AFF2: variants seen among roughly 807,000 people sequenced by gnomAD.
AFF2 encodes the protein ALF transcription elongation factor 2.
A neutral mutation model predicts 76.9 loss-of-function variants in AFF2; 14 were observed. That is an observed-to-expected ratio of 0.18 (90% confidence interval 0.12 to 0.28). AFF2 has a LOEUF of 0.28. Among genes scored for constraint, AFF2 ranks in the 10% least tolerant of loss-of-function variants. AFF2 has a pLI of 1.00. For missense variants in AFF2, 868 were observed against 1,001.1 expected, an observed-to-expected ratio of 0.87 and a Z score of 1.79; for synonymous variants, 398 against 366.7, an observed-to-expected ratio of 1.09 and a Z score of -0.98.
At chrX:148,768,201 C>T (rs985069618) in intron 3 of AFF2, among the ~76,000 whole-genome samples, 69 of 109,147 alleles carry the variant, frequency 6.3e-4, no homozygotes, top group East Asian at 2.9e-4. Context: ...CAATCACCCT[C>T]ACCCCCAAAT....
chrX:148,550,338 A>G (rs2052975735), intron 1 of AFF2, among the ~76,000 whole-genome samples: 1 of 112,161 alleles, frequency 8.9e-6, no homozygotes, highest in Non-Finnish European at 1.9e-5. Flanking sequence ...CAAACCTGAA[A>G]TGAAAAATCA....
chrX:148,947,247 C>A (rs1169393308), intron 9 of AFF2, among the ~76,000 whole-genome samples: 1 of 112,096 alleles, frequency 8.9e-6, no homozygotes, highest in Non-Finnish European at 1.9e-5. Context: ...CACAACTGGA[C>A]CATAATCGAC....
intron 1 of AFF2, among the ~76,000 whole-genome samples, chrX:148,532,679 A>G (rs1160232692): frequency 2.7e-5 from 3 of 112,536 alleles, no homozygotes; most frequent in African/African-American, 9.7e-5. Context: ...TGTTTTAAGC[A>G]GGATATTGGG....
At chrX:148,841,249 A>T (rs1394518312) in intron 5 of AFF2, among the ~76,000 whole-genome samples, 1 of 112,077 alleles carries the variant, frequency 8.9e-6, no homozygotes, top group African/African-American at 3.2e-5. Flanking sequence ...TTTGTAATGA[A>T]ATCCCTTAAA....
chrX:148,712,009 G>T (rs1010964806), intron 3 of AFF2, among the ~76,000 whole-genome samples: 2 of 111,420 alleles, frequency 1.8e-5, no homozygotes, highest in Non-Finnish European at 3.8e-5. Context: ...TGCTCATCTC[G>T]ATGCTGTGCT....
At chrX:148,948,311 A>G (rs782118345) in intron 9 of AFF2, among the ~76,000 whole-genome samples, 1 of 112,111 alleles carries the variant, frequency 8.9e-6, no homozygotes, top group Non-Finnish European at 1.9e-5. Flanking sequence ...GGACATTCCT[A>G]GACTTGCCTT....
At chrX:148,847,150 C>A (rs1557274834) in intron 7 of AFF2, among the ~76,000 whole-genome samples, 1 of 112,186 alleles carries the variant, frequency 8.9e-6, no homozygotes, top group East Asian at 2.8e-4. Flanking sequence ...TGGATTGATT[C>A]ATCTAGTGTA....
chrX:148,689,534 C>T (rs1186286774), intron 3 of AFF2, among the ~76,000 whole-genome samples: 1 of 110,500 alleles, frequency 9.0e-6, no homozygotes, highest in Non-Finnish European at 1.9e-5. Flanking sequence ...TCCCCAGGAC[C>T]ACTCCTGGGC....
intron 1 of AFF2, among the ~76,000 whole-genome samples, chrX:148,591,265 AC>A (rs2053519487): frequency 8.9e-6 from 1 of 111,903 alleles, no homozygotes; most frequent in Admixed American, 9.5e-5. Flanking sequence ...GGCACTGTTT[AC>A]ATGGAAGGAA....
chrX:148,697,515 C>T (rs1404786422), intron 3 of AFF2, among the ~76,000 whole-genome samples: 1 of 111,362 alleles, frequency 9.0e-6, no homozygotes, highest in Non-Finnish European at 1.9e-5. Context: ...TTTACCAATC[C>T]GATCTCCTCA....
intron 3 of AFF2, among the ~76,000 whole-genome samples, chrX:148,792,354 G>A (rs2069907890): frequency 8.9e-6 from 1 of 112,769 alleles, no homozygotes; most frequent in Non-Finnish European, 1.9e-5. Context: ...TCAGGAGGCT[G>A]AGGCAGGAGA....
intron 1 of AFF2, among the ~76,000 whole-genome samples, chrX:148,610,554 G>A (rs1330154184): frequency 1.8e-5 from 2 of 111,886 alleles, no homozygotes; most frequent in East Asian, 5.6e-4. Context: ...GTGAGCCATA[G>A]TATTACACGT....
At chrX:148,787,031 T>G (rs2069830036) in intron 3 of AFF2, among the ~76,000 whole-genome samples, 1 of 112,370 alleles carries the variant, frequency 8.9e-6, no homozygotes, top group African/African-American at 3.2e-5. Flanking sequence ...CCTGCACATA[T>G]TAGATGCTCA....
At chrX:148,931,556 A>G (rs1250433414) in intron 9 of AFF2, among the ~76,000 whole-genome samples, 3 of 112,535 alleles carry the variant, frequency 2.7e-5, no homozygotes, top group Non-Finnish European at 5.6e-5. Context: ...AATTTTTATC[A>G]TCTATAATGA....
chrX:148,518,022 CAAAAAA>C (rs543248775), intron 1 of AFF2, among the ~76,000 whole-genome samples: 1 of 38,613 alleles, frequency 2.6e-5, no homozygotes, highest in Non-Finnish European at 5.0e-5. Context: ...GACTCCGTCT[CAAAAAA>C]AAAAAAAAAA....
chrX:148,545,395 A>AGGAG (rs2052909520), intron 1 of AFF2, among the ~76,000 whole-genome samples: 1 of 112,139 alleles, frequency 8.9e-6, no homozygotes, highest in South Asian at 3.7e-4. Context: ...AGTTGGGTAC[A>AGGAG]GGAGGAAATT....
At chrX:148,722,431 C>G (rs2055105714) in intron 3 of AFF2, among the ~76,000 whole-genome samples, 1 of 110,237 alleles carries the variant, frequency 9.1e-6, no homozygotes, top group African/African-American at 3.3e-5. Context: ...TCCCTCCACT[C>G]AGGCTCGCAA....
chrX:148,796,075 A>T (rs916371829), intron 3 of AFF2, among the ~76,000 whole-genome samples: 1 of 106,942 alleles, frequency 9.4e-6, no homozygotes, highest in African/African-American at 3.4e-5. Context: ...TCATGAAGAA[A>T]GACCTTAAAG....
rs182521235 is a variant in AFF2, at chrX:148,848,462, G to T, written c.1262+5029G>T. Among the ~76,000 whole-genome samples, 657 of 111,884 alleles carry T rather than the reference G, an allele frequency of 5.9e-3. 5 individuals carry two copies. The highest frequency in any genetic ancestry group is 0.021 in the African/African-American group (633 of 30,800). The stretch of plus-strand genomic sequence containing the variant: ...CCTTTTACCAAAGCCTTCATCACTG[G>T]AAATGTTTCCTTCGAGATTTTGATT... On this transcript the variant is annotated intron_variant, in intron 7 of 20. Coordinates refer to ENST00000370460, the MANE Select transcript of AFF2 (RefSeq NM_002025.4).
Sources: allele counts gnomAD v4.1 joint callset (sites outside exome capture counted in the v4.1 genomes callset), GRCh38; gene constraint gnomAD v4.1.1; transcripts MANE v1.5; gene names NCBI Gene and HGNC (gene_info 2026-07-23, HGNC 2026-07-21).